Variants in ENOPH1 observed in about 807,000 individuals in gnomAD.
ENOPH1 encodes the protein enolase-phosphatase 1.
In ENOPH1, 14 loss-of-function variants were observed where a neutral mutation model predicts 31.1. The observed-to-expected ratio is 0.45, with a 90% confidence interval of 0.30 to 0.70. The LOEUF is 0.70. Among genes scored for constraint, ENOPH1 ranks in the 30% least tolerant of loss-of-function variants. The pLI is 0.09. For missense variants in ENOPH1, 243 were observed against 321.5 expected (o/e 0.76, Z 1.87); for synonymous variants, 127 against 123.2 (o/e 1.03, Z -0.21).
chr4:82,441,624 A>C (rs1347316387), intron 1 of ENOPH1, among the ~76,000 whole-genome samples: 1 of 152,058 alleles, frequency 6.6e-6, no homozygotes, highest in African/African-American at 2.4e-5. Context: ...ACAGAGCGAG[A>C]CTGCATCTCA....
At chr4:82,451,685 T>C (rs1228944302) in intron 3 of ENOPH1, among the ~76,000 whole-genome samples, 1 of 152,246 alleles carries the variant, frequency 6.6e-6, no homozygotes, top group Non-Finnish European at 1.5e-5. Context: ...ACCACGTTCT[T>C]CTTTGCTCTT....
chr4:82,447,067 CCTCTGCCTCCCAGGTTCAAG>C (rs1047970481), intron 1 of ENOPH1, among the ~76,000 whole-genome samples: 6 of 151,160 alleles, frequency 4.0e-5, no homozygotes, highest in Non-Finnish European at 7.4e-5. Context: ...CTTACTGCAA[CCTCTGCCTCCCAGGTTCAAG>C]CGATTCTCCT....
At position 82,458,402 on chromosome 4, in the gene ENOPH1, C is replaced by G. The variant is rs139029661; in HGVS notation, c.646+1364C>G. On this transcript the variant is annotated intron_variant, in intron 5 of 5. Coordinates refer to ENST00000273920, the MANE Select transcript of ENOPH1 (RefSeq NM_021204.5). ...CACGCCTGTAATCCTGGCTACTCGG[C>G]TGGGGGCTGAGGCAGGAGAATTGCT... is the stretch of plus-strand genomic sequence containing the variant. 9.9e-4 allele frequency among the ~76,000 whole-genome samples: 150 copies of G among 152,048 alleles called. 1 individual carries two copies. The highest frequency in any genetic ancestry group is 3.4e-3 in the African/African-American group (141 of 41,462).
At chr4:82,432,551 T>C (rs879631127) in intron 1 of ENOPH1, among the ~76,000 whole-genome samples, 2 of 152,056 alleles carry the variant, frequency 1.3e-5, no homozygotes, top group Non-Finnish European at 2.9e-5. Flanking sequence ...ACCAGGCTGG[T>C]CTCAAACTCC....
At chr4:82,449,923 G>C (rs1722304340) in intron 2 of ENOPH1, among the ~76,000 whole-genome samples, 1 of 152,134 alleles carries the variant, frequency 6.6e-6, no homozygotes, top group Non-Finnish European at 1.5e-5. Flanking sequence ...CCAGTCATCA[G>C]TCTGTCTTTT....
At chr4:82,440,130 T>C (rs1722001841) in intron 1 of ENOPH1, among the ~76,000 whole-genome samples, 1 of 152,204 alleles carries the variant, frequency 6.6e-6, no homozygotes, top group Non-Finnish European at 1.5e-5. Context: ...TGATTATAGA[T>C]AGAAAAGAGA....
At position 82,433,974 on chromosome 4, in the gene ENOPH1, T is replaced by C. The variant is rs555855278; in HGVS notation, c.84+3061T>C. On this transcript the variant is annotated intron_variant, in intron 1 of 5. Coordinates refer to ENST00000273920, the MANE Select transcript of ENOPH1 (RefSeq NM_021204.5). ...ACTTGTAGCCCTTCCTTCTGTGGAATGATGGAAGGAAACATTGAGTACTGT... is the reference window on the plus strand; with the variant it reads ...ACTTGTAGCCCTTCCTTCTGTGGAACGATGGAAGGAAACATTGAGTACTGT... Among the ~76,000 whole-genome samples the C allele has an allele frequency of 3.3e-5, 5 of 152,274 alleles. No homozygotes were observed. The East Asian group carries it at 7.7e-4, about 24-fold the overall frequency.
At chr4:82,458,077 A>AGGCTGTGG (rs57629634) in intron 5 of ENOPH1, among the ~76,000 whole-genome samples, 2 of 151,308 alleles carry the variant, frequency 1.3e-5, no homozygotes, top group African/African-American at 4.9e-5. Context: ...ATACACACTT[A>AGGCTGTGG]GGCCAGAACT....
Position 82,461,045 on chromosome 4 carries a change from A to C in ENOPH1, c.*925A>C, listed in dbSNP as rs1407791696. 4 of 152,212 alleles carry C rather than the reference A, an allele frequency of 2.6e-5. No homozygotes were observed. The highest frequency in any genetic ancestry group is 1.3e-4 in the Admixed American group (2 of 15,288). 9.4% of individuals were successfully genotyped at this position (152,212 alleles called of 1,614,324 possible). ...CCTGGTTTAATTCTAATACGATGTC[A>C]TGTTAATTTCATGTTGTGATTAATA... is the stretch of plus-strand genomic sequence containing the variant. On this transcript the variant is annotated 3_prime_UTR_variant, in exon 6 of 6. Coordinates refer to ENST00000273920, the MANE Select transcript of ENOPH1 (RefSeq NM_021204.5).
chr4:82,455,328 TG>T (rs1293876574), intron 4 of ENOPH1, among the ~76,000 whole-genome samples: 2 of 152,138 alleles, frequency 1.3e-5, no homozygotes, highest in African/African-American at 2.4e-5. Flanking sequence ...CCCTGGAGGA[TG>T]GGGTGATCAG....
chr4:82,452,079 C>A (rs553384190), intron 3 of ENOPH1, among the ~76,000 whole-genome samples: 11 of 149,026 alleles, frequency 7.4e-5, no homozygotes, highest in African/African-American at 2.7e-4. Flanking sequence ...CAATACCTGG[C>A]CTATTTTTTT....
At chr4:82,455,859 T>C (rs1227933488) in intron 4 of ENOPH1, among the ~76,000 whole-genome samples, 1 of 152,202 alleles carries the variant, frequency 6.6e-6, no homozygotes, top group East Asian at 1.9e-4. Flanking sequence ...AATAGGTTAC[T>C]TACAATAGGT....
At chr4:82,432,851 C>T (rs1721808763) in intron 1 of ENOPH1, among the ~76,000 whole-genome samples, 1 of 152,136 alleles carries the variant, frequency 6.6e-6, no homozygotes, top group Admixed American at 6.5e-5. Context: ...CTCAGGTAAT[C>T]CTCCCGTGTC....
intron 1 of ENOPH1, among the ~76,000 whole-genome samples, chr4:82,434,522 T>G (rs1721857127): frequency 6.6e-6 from 1 of 152,154 alleles, no homozygotes; most frequent in Non-Finnish European, 1.5e-5. Context: ...GAGACCAGCC[T>G]GGTCAACATG....
At chr4:82,445,585 T>TA (rs1196140572) in intron 1 of ENOPH1, among the ~76,000 whole-genome samples, 4 of 152,110 alleles carry the variant, frequency 2.6e-5, no homozygotes, top group Non-Finnish European at 5.9e-5. Flanking sequence ...CCCCTCCAAG[T>TA]AGCTGGGACC....
In ENOPH1 at chr4:82,430,847, C is replaced by T. The variant is rs574508408; in HGVS notation, c.18C>T (p.Val6=). The change falls in exon 1 of 6, where the codon GTC becomes GTT. Residue 6 remains valine, a synonymous_variant. Coordinates refer to ENST00000273920, the MANE Select transcript of ENOPH1 (RefSeq NM_021204.5). ...GTAGGGAAATGGTCGTGCTTTCGGTCCCCGCCGAAGTCACCGTGATCCTGT... is the reference window on the plus strand; with the variant it reads ...GTAGGGAAATGGTCGTGCTTTCGGTTCCCGCCGAAGTCACCGTGATCCTGT... MVVLS[V]PAEVTVILLD... 6 of 1,614,160 alleles carry T rather than the reference C, an allele frequency of 3.7e-6. 1 individual carries two copies. In the Admixed American group the frequency reaches 1.0e-4, roughly 27 times the overall value.
intron 1 of ENOPH1, among the ~76,000 whole-genome samples, chr4:82,447,135 G>A (rs1002350583): frequency 4.6e-5 from 7 of 151,832 alleles, no homozygotes; most frequent in African/African-American, 1.5e-4. Flanking sequence ...ACAGGCACCC[G>A]CCACCACACC....
chr4:82,441,058 C>T (rs980379634), intron 1 of ENOPH1, among the ~76,000 whole-genome samples: 1 of 152,228 alleles, frequency 6.6e-6, no homozygotes, highest in African/African-American at 2.4e-5. Flanking sequence ...ACTGCTGAAA[C>T]TATCTGGCAG....
intron 1 of ENOPH1, among the ~76,000 whole-genome samples, chr4:82,434,588 C>T (rs1394917550): frequency 6.6e-6 from 1 of 152,124 alleles, no homozygotes; most frequent in Non-Finnish European, 1.5e-5. Flanking sequence ...GTGGTGGGCA[C>T]CTGTAATCCC....
Sources: allele counts gnomAD v4.1 joint callset (sites outside exome capture counted in the v4.1 genomes callset), GRCh38; gene constraint gnomAD v4.1.1; transcripts MANE v1.5; gene names NCBI Gene and HGNC (gene_info 2026-07-23, HGNC 2026-07-21).